The following NDFIP1 variants were observed in gnomAD, a reference collection of about 807,000 sequenced individuals.
The protein encoded by NDFIP1 is NEDD4 family-interacting protein 1.
NDFIP1 carries 7 observed loss-of-function variants against 28.8 expected under a neutral mutation model. That is an observed-to-expected ratio of 0.24 (90% confidence interval 0.14 to 0.46). The LOEUF is 0.46. NDFIP1 is among the 20% of genes least tolerant of loss of function. The pLI is 0.99. For missense variants in NDFIP1, 194 were observed against 269.1 expected (o/e 0.72, Z 1.95); for synonymous variants, 92 against 101.0 (o/e 0.91, Z 0.53).
intron 6 of NDFIP1, among the ~76,000 whole-genome samples, chr5:142,142,582 T>A (rs893650003): frequency 1.3e-5 from 2 of 152,168 alleles, no homozygotes; most frequent in African/African-American, 4.8e-5. Context: ...GGAGGTTTTA[T>A]AATCCTTCAT....
chr5:142,129,037 A>G (rs1428170557), intron 1 of NDFIP1, among the ~76,000 whole-genome samples: 2 of 152,190 alleles, frequency 1.3e-5, no homozygotes, highest in South Asian at 2.1e-4. Context: ...TGAGACCTAA[A>G]TTATGCAGGG....
chr5:142,114,285 G>T (rs1365308042), intron 1 of NDFIP1, among the ~76,000 whole-genome samples: 1 of 151,932 alleles, frequency 6.6e-6, no homozygotes, highest in African/African-American at 2.4e-5. Context: ...GTATCTCATT[G>T]CAGTATTGAT....
rs1270243876 is a variant in NDFIP1, at chr5:142,147,246, G to T, written c.*2+2570G>T. 2.6e-5 allele frequency among the ~76,000 whole-genome samples: 4 copies of T among 152,256 alleles called. No individual in the cohort carries two copies. In the East Asian group the frequency reaches 5.8e-4, roughly 22 times the overall value. ...CACTAATTTTCCAGGGATCCCCAGA[G>T]GGAACCTGAAAAGCCATAATATCCT... On this transcript the variant is annotated intron_variant, in intron 7 of 7. Coordinates refer to ENST00000253814, the MANE Select transcript of NDFIP1 (RefSeq NM_030571.4).
intron 6 of NDFIP1, among the ~76,000 whole-genome samples, chr5:142,141,450 A>T (rs1757331357): frequency 1.3e-5 from 2 of 152,038 alleles, no homozygotes; most frequent in Non-Finnish European, 2.9e-5. Flanking sequence ...TGCTGGGATT[A>T]CAGGCCTGAG....
chr5:142,126,936 A>G (rs893209745), intron 1 of NDFIP1, among the ~76,000 whole-genome samples: 1 of 152,116 alleles, frequency 6.6e-6, no homozygotes, highest in African/African-American at 2.4e-5. Flanking sequence ...TAAAAATGTC[A>G]TATTTATTTT....
chr5:142,130,005 T>G (rs563200752), intron 1 of NDFIP1, among the ~76,000 whole-genome samples: 3 of 152,198 alleles, frequency 2.0e-5, no homozygotes, highest in African/African-American at 4.8e-5. Flanking sequence ...TTTTTCTGTC[T>G]CAATTCAAGA....
At chr5:142,150,209 A>G (rs1385229722) in intron 7 of NDFIP1, among the ~76,000 whole-genome samples, 2 of 150,886 alleles carry the variant, frequency 1.3e-5, no homozygotes, top group Non-Finnish European at 2.9e-5. Flanking sequence ...AATATATAGA[A>G]ACTGATAAAA....
chr5:142,129,911 C>CAAAA (rs749420090), intron 1 of NDFIP1, among the ~76,000 whole-genome samples: 7 of 62,570 alleles, frequency 1.1e-4, no homozygotes, highest in South Asian at 1.2e-3. Flanking sequence ...AACTACATCT[C>CAAAA]AAAAAAAAAA....
At chr5:142,136,613 G>T (rs1305962142) in intron 4 of NDFIP1, among the ~76,000 whole-genome samples, 1 of 151,780 alleles carries the variant, frequency 6.6e-6, no homozygotes, top group Non-Finnish European at 1.5e-5. Flanking sequence ...AAATTAGCTG[G>T]GTGTGGTGGC....
At chr5:142,131,687 T>C in intron 1 of NDFIP1, 121 bp from the exon 2 acceptor site, 2 of 664,882 alleles carry the variant, frequency 3.0e-6, no homozygotes, top group East Asian at 3.0e-5. Flanking sequence ...ATTTGTGCAT[T>C]TCAAGGCTTT....
intron 3 of NDFIP1, among the ~76,000 whole-genome samples, chr5:142,132,573 A>G (rs1757238535): frequency 6.6e-6 from 1 of 152,160 alleles, no homozygotes; most frequent in Non-Finnish European, 1.5e-5. Flanking sequence ...TATTACCACT[A>G]CTTTTTCAAG....
chr5:142,140,509 A>G, intron 5 of NDFIP1, 54 bp from the exon 6 acceptor site: 1 of 1,437,334 alleles, frequency 7.0e-7, no homozygotes, highest in Non-Finnish European at 9.6e-7. Context: ...CTTAAGTTAA[A>G]ATGAGAAATT....
At chr5:142,147,261 C>T (rs1757398591) in intron 7 of NDFIP1, among the ~76,000 whole-genome samples, 1 of 152,124 alleles carries the variant, frequency 6.6e-6, no homozygotes, top group Non-Finnish European at 1.5e-5. Context: ...CCTGAAAAGC[C>T]ATAATATCCT....
At chr5:142,135,335 T>C (rs1757262935) in intron 3 of NDFIP1, among the ~76,000 whole-genome samples, 2 of 152,248 alleles carry the variant, frequency 1.3e-5, no homozygotes, top group Admixed American at 6.5e-5. Context: ...ATTACTGATA[T>C]TCTAGAATTT....
intron 1 of NDFIP1, among the ~76,000 whole-genome samples, chr5:142,116,249 C>G (rs1299720637): frequency 6.6e-6 from 1 of 152,112 alleles, no homozygotes; most frequent in Non-Finnish European, 1.5e-5. Context: ...TAGCACTGAT[C>G]AAGTTTAAGA....
At chr5:142,148,452 C>G (rs1248405582) in intron 7 of NDFIP1, among the ~76,000 whole-genome samples, 1 of 152,092 alleles carries the variant, frequency 6.6e-6, no homozygotes, top group African/African-American at 2.4e-5. Flanking sequence ...CAGTGGCCAT[C>G]AAGAAGTATG....
chr5:142,140,045 G>C (rs553734781), intron 5 of NDFIP1, among the ~76,000 whole-genome samples: 1 of 152,146 alleles, frequency 6.6e-6, no homozygotes, highest in African/African-American at 2.4e-5. Context: ...GCTTTTCCTT[G>C]AAAGGAAATA....
chr5:142,120,590 A>T (rs1412454367), intron 1 of NDFIP1, among the ~76,000 whole-genome samples: 2 of 152,228 alleles, frequency 1.3e-5, no homozygotes, highest in Non-Finnish European at 2.9e-5. Flanking sequence ...TTCAGGAGGA[A>T]TAAGAGGCAA....
rs1036208 is a variant in NDFIP1 at position 142,119,109 on chromosome 5, T to G, written c.63+10072T>G. On this transcript the variant is annotated intron_variant, in intron 1 of 7. Coordinates refer to ENST00000253814, the MANE Select transcript of NDFIP1 (RefSeq NM_030571.4). The stretch of plus-strand genomic sequence containing the variant: ...GGGTATACACATCTGTAACTATTTC[T>G]GTATGTACCATCTATCTATATTAAG... Among the ~76,000 whole-genome samples, 1,266 of 152,358 alleles carry G rather than the reference T, an allele frequency of 8.3e-3. 3 individuals are homozygous for G. The highest frequency in any genetic ancestry group is 0.013 in the Non-Finnish European group (886 of 68,028).
Sources: allele counts gnomAD v4.1 joint callset (sites outside exome capture counted in the v4.1 genomes callset), GRCh38; gene constraint gnomAD v4.1.1; transcripts MANE v1.5; gene names NCBI Gene and HGNC (gene_info 2026-07-23, HGNC 2026-07-21).